RDH10: variants seen among roughly 807,000 people sequenced by gnomAD.
The protein encoded by RDH10 is retinol dehydrogenase 10.
A neutral mutation model predicts 30.2 loss-of-function variants in RDH10; 12 were observed. The ratio of observed to expected loss-of-function variants is 0.40; its 90% CI spans 0.25 to 0.64. The LOEUF is 0.64. RDH10 is among the 30% of genes least tolerant of loss of function. The pLI is 0.43. For synonymous variants in RDH10, 189 were observed against 172.2 expected (o/e 1.10, Z -0.76); for missense variants, 268 against 445.2 (o/e 0.60, Z 3.58).
rs1209647025 is a variant in RDH10 at position 73,295,331 on chromosome 8, G to A, written c.42G>A (p.Val14=). 1 of 1,565,450 alleles carries A rather than the reference G, an allele frequency of 6.4e-7. No homozygotes were observed. The highest frequency in any genetic ancestry group is 1.2e-5 in the South Asian group (1 of 85,450). The part of the protein sequence containing the change: ...VVEFFVVTFK[V]LWAFVLAAAR... ...AGTTCTTCGTGGTCACTTTCAAAGT[G>A]CTCTGGGCGTTCGTGCTGGCCGCGG... is the stretch of plus-strand genomic sequence containing the variant. Residue 14 remains valine (V), a synonymous_variant, in exon 1 of 6, where the codon GTG becomes GTA. Transcript: ENST00000240285.
Position 73,295,207 on chromosome 8 carries a change from CCCCGGAGCCGGGAG to C in RDH10, c.-78_-65del. On this transcript the variant is annotated 5_prime_UTR_variant, in exon 1 of 6. Coordinates refer to ENST00000240285, the MANE Select transcript of RDH10 (RefSeq NM_172037.5). ...CTCGTCCCGGCCTCTGTGACAAGCG[CCCCGGAGCCGGGAG>C]CCCGATTGCCGGGCTCGGGGTGGGC... 1 of 1,335,176 alleles carries C rather than the reference CCCCGGAGCCGGGAG, an allele frequency of 7.5e-7. No individual in the cohort carries two copies. The highest frequency in any genetic ancestry group is 9.9e-7 in the Non-Finnish European group (1 of 1,009,428). The allele number at this position is 1,335,176 out of a possible 1,614,324, so 82.7% of individuals were successfully genotyped here.
Position 73,295,303 on chromosome 8 carries a change from TGGA to T in RDH10, c.16_18del (p.Glu6del). ...CCGGGCGTCGCGATGAACATCGTGG[TGGA>T]GTTCTTCGTGGTCACTTTCAAAGTG... On this transcript the variant is annotated inframe_deletion, in exon 1 of 6. Transcript: ENST00000240285. 1 of 1,564,380 alleles carries T rather than the reference TGGA, an allele frequency of 6.4e-7. No individual in the cohort carries two copies. The highest frequency in any genetic ancestry group is 8.6e-7 in the Non-Finnish European group (1 of 1,157,038).
At chr8:73,301,598 AAAT>A (rs1814377980) in intron 2 of RDH10, among the ~76,000 whole-genome samples, 1 of 44,858 alleles carries the variant, frequency 2.2e-5, no homozygotes, top group Non-Finnish European at 3.8e-5. Flanking sequence ...TCTCTACTAA[AAAT>A]ACAAAAAAAG....
chr8:73,302,369 G>A (rs1794591575), intron 2 of RDH10, among the ~76,000 whole-genome samples: 1 of 152,154 alleles, frequency 6.6e-6, no homozygotes, highest in Non-Finnish European at 1.5e-5. Context: ...TTTGTATCTG[G>A]GTGAGATGTA....
Position 73,295,182 on chromosome 8 carries a change from C to A in RDH10, c.-108C>A, listed in dbSNP as rs982287722. 4.5e-6 allele frequency: 5 copies of A among 1,123,310 alleles called. No homozygotes were observed. In the African/African-American group the frequency reaches 6.7e-5, roughly 15 times the overall value. 69.6% of individuals were successfully genotyped at this position (1,123,310 alleles called of 1,614,324 possible). A position where few individuals can be genotyped will look rare whatever the true frequency, so the allele number is the denominator to read the frequency against. ...GGGGGCGGGCGCGGGGCGCAGCCTT[C>A]TCGTCCCGGCCTCTGTGACAAGCGC... On this transcript the variant is annotated 5_prime_UTR_variant, in exon 1 of 6. Transcript: ENST00000240285.
chr8:73,304,724 T>A (rs1814438770), intron 2 of RDH10, among the ~76,000 whole-genome samples: 1 of 152,218 alleles, frequency 6.6e-6, no homozygotes, highest in Non-Finnish European at 1.5e-5. Context: ...GTTCTGCCAT[T>A]TGAGTCCTGT....
chr8:73,294,916 CG>C lies in RDH10; in HGVS notation c.-371del, dbSNP rs1364168657. 5.1e-6 allele frequency: 2 copies of C among 394,536 alleles called. No homozygotes were observed. The highest frequency in any genetic ancestry group is 4.1e-5 in the African/African-American group (2 of 48,380). The allele number at this position is 394,536 out of a possible 1,614,324, so 24.4% of individuals were successfully genotyped here. A position where few individuals can be genotyped will look rare whatever the true frequency, so the allele number is the denominator to read the frequency against. ...CCGGCGCGCCGGTTCCGGGGACGCT[CG>C]GGCGGCAGCAGCTTGGCCATGAGGG... On this transcript the variant is annotated 5_prime_UTR_variant, in exon 1 of 6. Coordinates refer to ENST00000240285, the MANE Select transcript of RDH10 (RefSeq NM_172037.5).
chr8:73,310,463 A>G (rs1814544892), intron 2 of RDH10, among the ~76,000 whole-genome samples: 1 of 152,220 alleles, frequency 6.6e-6, no homozygotes, highest in African/African-American at 2.4e-5. Context: ...GTGCTGTTGG[A>G]ACAGGGGCTA....
chr8:73,313,283 C>T (rs1814602177), intron 2 of RDH10: 2 of 152,218 alleles, frequency 1.3e-5, no homozygotes, highest in Middle Eastern at 3.2e-3. Context: ...TGACATGTCA[C>T]GTCTATGTGC....
At chr8:73,319,273 C>G in intron 3 of RDH10, 79 bp downstream of exon 3, 2 of 927,644 alleles carry the variant, frequency 2.2e-6, no homozygotes, top group Non-Finnish European at 3.5e-6. Context: ...AGGAGAGCAC[C>G]TGCTGCCCCT....
At position 73,295,421 on chromosome 8, in the gene RDH10, C is replaced by T; in HGVS notation, c.132C>T (p.Ala44=). 1.3e-6 allele frequency: 2 copies of T among 1,547,768 alleles called. No individual in the cohort carries two copies. The highest frequency in any genetic ancestry group is 2.0e-5 in the Admixed American group (1 of 51,240). ...VAGQVCLITG[A]GSGLGRLFAL... Reference sequence around the variant, plus strand: ...GCCAGGTGTGCCTCATCACCGGCGCCGGCAGCGGCCTGGGCCGCCTCTTCG... The same window carrying T: ...GCCAGGTGTGCCTCATCACCGGCGCTGGCAGCGGCCTGGGCCGCCTCTTCG... Residue 44 remains alanine, a synonymous_variant, in exon 1 of 6, where the codon GCC becomes GCT. Transcript: ENST00000240285.
At chr8:73,314,714 T>C (rs1051912993) in intron 2 of RDH10, among the ~76,000 whole-genome samples, 1 of 152,184 alleles carries the variant, frequency 6.6e-6, no homozygotes, top group Non-Finnish European at 1.5e-5. Context: ...CACCTCTCAG[T>C]TCCCTCCGCG....
At chr8:73,300,926 T>C (rs953702742) in intron 2 of RDH10, among the ~76,000 whole-genome samples, 1 of 152,204 alleles carries the variant, frequency 6.6e-6, no homozygotes, top group African/African-American at 2.4e-5. Flanking sequence ...TTTCTTTTCT[T>C]TCCATTAATC....
intron 3 of RDH10, among the ~76,000 whole-genome samples, chr8:73,319,923 G>A (rs74380748): frequency 0.017 from 2,555 of 152,268 alleles, 68 homozygotes; most frequent in African/African-American, 0.058. Flanking sequence ...TATCCTGTTT[G>A]TCCTCTGCAT....
At position 73,314,738 on chromosome 8, in the gene RDH10, G is replaced by C. The variant is rs16938612; in HGVS notation, c.526-4358G>C. On this transcript the variant is annotated intron_variant, in intron 2 of 5. Transcript: ENST00000240285. ...GTTCCCTCCGCGCAGCTCTTTGGTGGTTGTTGACGCTGTGAGTGATTGTTA... is the reference window on the plus strand; with the variant it reads ...GTTCCCTCCGCGCAGCTCTTTGGTGCTTGTTGACGCTGTGAGTGATTGTTA... Among the ~76,000 whole-genome samples the C allele has an allele frequency of 5.9e-3, 904 of 152,310 alleles. 11 individuals are homozygous for C. The highest frequency in any genetic ancestry group is 0.021 in the African/African-American group (862 of 41,572).
chr8:73,294,771 C>A lies in RDH10; in HGVS notation c.-519C>A. The A allele has an allele frequency of 2.8e-6, 1 of 362,600 alleles. No homozygotes were observed. The highest frequency in any genetic ancestry group is 4.9e-6 in the Non-Finnish European group (1 of 202,974). 22.5% of individuals were successfully genotyped at this position (362,600 alleles called of 1,614,324 possible). A position where few individuals can be genotyped will look rare whatever the true frequency, so the allele number is the denominator to read the frequency against. On this transcript the variant is annotated 5_prime_UTR_variant, in exon 1 of 6. Coordinates refer to ENST00000240285, the MANE Select transcript of RDH10 (RefSeq NM_172037.5). ...AGCGAGTCTCCCCTTCCCGGCGCTC[C>A]GCCGCCCCGCACCCCACTCTCCCAC...
intron 2 of RDH10, among the ~76,000 whole-genome samples, chr8:73,305,307 G>A (rs1439202643): frequency 6.6e-6 from 1 of 152,120 alleles, no homozygotes; most frequent in Non-Finnish European, 1.5e-5. Flanking sequence ...TTAGTAACTT[G>A]AATATATCTA....
intron 2 of RDH10, among the ~76,000 whole-genome samples, chr8:73,304,507 T>C (rs1441953550): frequency 6.6e-6 from 1 of 152,206 alleles, no homozygotes; most frequent in African/African-American, 2.4e-5. Flanking sequence ...CTTAAAACAC[T>C]TGTATGACCA....
At position 73,325,056 on chromosome 8, in the gene RDH10, C is replaced by T. The variant is rs955723955; in HGVS notation, c.*2020C>T. On this transcript the variant is annotated 3_prime_UTR_variant, in exon 6 of 6. Transcript: ENST00000240285. ...AATGCCAGGTGGGGACAGATATACT[C>T]AGAGATTATCCAGGTCTGCCTCCCA... 1 of 152,158 alleles carries T rather than the reference C, an allele frequency of 6.6e-6. No homozygotes were observed. The highest frequency in any genetic ancestry group is 2.4e-5 in the African/African-American group (1 of 41,430). 9.4% of individuals were successfully genotyped at this position (152,158 alleles called of 1,614,324 possible). A position where few individuals can be genotyped will look rare whatever the true frequency, so the allele number is the denominator to read the frequency against.
Sources: allele counts gnomAD v4.1 joint callset (sites outside exome capture counted in the v4.1 genomes callset), GRCh38; gene constraint gnomAD v4.1.1; transcripts MANE v1.5; gene names NCBI Gene and HGNC (gene_info 2026-07-23, HGNC 2026-07-21).